Variants in CFAP20DC observed in about 807,000 individuals in gnomAD.
CFAP20DC encodes protein CFAP20DC.
In CFAP20DC, 84 loss-of-function variants were observed where a neutral mutation model predicts 101.7. The observed-to-expected ratio is 0.83, with a 90% CI of 0.69 to 0.99. The LOEUF is 0.99. Among genes scored for constraint, CFAP20DC ranks in the 50% least tolerant of loss-of-function variants. The pLI is 0.00. For synonymous variants in CFAP20DC, 359 were observed against 351.2 expected, an observed-to-expected ratio of 1.02 and a Z score of -0.25; for missense variants, 1,007 against 970.3, an observed-to-expected ratio of 1.04 and a Z score of -0.50.
chr3:58,963,173 TCTC>T (rs988617561), intron 4 of CFAP20DC, among the ~76,000 whole-genome samples: 1 of 147,598 alleles, frequency 6.8e-6, no homozygotes, highest in Non-Finnish European at 1.5e-5. Context: ...TCATACTTCT[TCTC>T]AAGGTTCAGT....
chr3:58,966,192 C>G (rs1197259359), intron 4 of CFAP20DC, among the ~76,000 whole-genome samples: 1 of 152,174 alleles, frequency 6.6e-6, no homozygotes, highest in African/African-American at 2.4e-5. Flanking sequence ...TCCCTTACAG[C>G]TTTCTCCATG....
chr3:59,034,585 A>G (rs529271272), intron 4 of CFAP20DC, among the ~76,000 whole-genome samples: 81 of 152,344 alleles, frequency 5.3e-4, no homozygotes, highest in African/African-American at 1.9e-3. Context: ...TCAAAGATCA[A>G]AAAAGACAAA....
At chr3:58,862,924 A>G in intron 12 of CFAP20DC, 1 of 971,702 alleles carries the variant, frequency 1.0e-6, no homozygotes, top group Non-Finnish European at 1.2e-6. Flanking sequence ...TCCAAATTAT[A>G]TTCAGTTTGA....
chr3:58,907,191 T>A (rs2083687240), intron 6 of CFAP20DC, among the ~76,000 whole-genome samples: 1 of 152,148 alleles, frequency 6.6e-6, no homozygotes, highest in African/African-American at 2.4e-5. Context: ...TTTTCTTGTT[T>A]GTGTGTTTTA....
chr3:58,978,111 C>T (rs1187173398), intron 4 of CFAP20DC, among the ~76,000 whole-genome samples: 3 of 152,004 alleles, frequency 2.0e-5, no homozygotes, highest in Non-Finnish European at 4.4e-5. Context: ...CTGGGTGGAG[C>T]AAAAAGAGAG....
rs1395203063 is a variant in CFAP20DC at position 58,810,785 on chromosome 3, G to A, written c.2176-4329C>T. Among the ~76,000 whole-genome samples the A allele has an allele frequency of 4.4e-4, 66 of 151,656 alleles. 2 individuals are homozygous for A. The highest frequency in any genetic ancestry group is 1.6e-3 in the African/African-American group (65 of 41,114). On this transcript the variant is annotated intron_variant, in intron 14 of 16. Coordinates refer to ENST00000482387, the MANE Select transcript of CFAP20DC (RefSeq NM_001394063.1). ...AATTGTCCCTGTTTGCAGATGACAT[G>A]ATTGTATATCTAGAAAACCCCATTG...
intron 5 of CFAP20DC, among the ~76,000 whole-genome samples, chr3:58,918,438 G>A (rs1389221196): frequency 1.3e-5 from 2 of 152,028 alleles, no homozygotes; most frequent in Non-Finnish European, 1.5e-5. Context: ...CTGGAACCAG[G>A]TTCATCTCAT....
chr3:58,887,315 T>C (rs1301892261), intron 6 of CFAP20DC: 1 of 152,202 alleles, frequency 6.6e-6, no homozygotes, highest in African/African-American at 2.4e-5. Context: ...AAAACTCCTT[T>C]GAGATAGAAG....
downstream of CFAP20DC, among the ~76,000 whole-genome samples, chr3:58,741,419 A>G (rs565470091): frequency 6.6e-6 from 1 of 152,086 alleles, no homozygotes; most frequent in South Asian, 2.1e-4. Flanking sequence ...TGTGTGTGGC[A>G]GTGGGGGGAT....
chr3:58,876,279 A>G (rs1176186472), intron 7 of CFAP20DC, among the ~76,000 whole-genome samples: 1 of 152,120 alleles, frequency 6.6e-6, no homozygotes, highest in Non-Finnish European at 1.5e-5. Flanking sequence ...GTATTGTGCT[A>G]TGCATCTACC....
intron 15 of CFAP20DC, among the ~76,000 whole-genome samples, chr3:58,794,720 G>C (rs116608423): frequency 1.4e-3 from 217 of 152,312 alleles, no homozygotes; most frequent in African/African-American, 5.1e-3. Context: ...AGGCTCAGTA[G>C]ATGCTCCAAC....
At chr3:58,767,009 A>G (rs1033630071) in intron 15 of CFAP20DC, among the ~76,000 whole-genome samples, 2 of 152,176 alleles carry the variant, frequency 1.3e-5, no homozygotes, top group Non-Finnish European at 2.9e-5. Context: ...TCAGCTCATA[A>G]TTACAACCTC....
At position 59,002,742 on chromosome 3, in the gene CFAP20DC, G is replaced by C. The variant is rs1270433805; in HGVS notation, c.278+36815C>G. Reference sequence around the variant, plus strand: ...TCTTCAACTTTCTTCCTCACTCAAAGAGATGTTATTTTAAGTAAATATAAA... The same window carrying C: ...TCTTCAACTTTCTTCCTCACTCAAACAGATGTTATTTTAAGTAAATATAAA... On this transcript the variant is annotated intron_variant, in intron 4 of 16. Coordinates refer to ENST00000482387, the MANE Select transcript of CFAP20DC (RefSeq NM_001394063.1). The surrounding 1 kb of genome is among the most constrained non-coding windows in gnomAD (Gnocchi z 4.5). Among the ~76,000 whole-genome samples, 1 of 152,122 alleles carries C rather than the reference G, an allele frequency of 6.6e-6. No homozygotes were observed. The highest frequency in any genetic ancestry group is 1.5e-5 in the Non-Finnish European group (1 of 68,032).
At chr3:58,740,419 T>C (rs1162789164), downstream of CFAP20DC, among the ~76,000 whole-genome samples, 2 of 152,172 alleles carry the variant, frequency 1.3e-5, no homozygotes, top group African/African-American at 4.8e-5. This position sits in a 1 kb window ranked among gnomAD's most constrained non-coding sequence, Gnocchi z 4.6. Context: ...AAAAAAGTGG[T>C]GCTGTCAATT....
intron 5 of CFAP20DC, among the ~76,000 whole-genome samples, chr3:58,935,967 A>T (rs1576382916): frequency 1.3e-5 from 2 of 151,902 alleles, no homozygotes; most frequent in Non-Finnish European, 2.9e-5. Flanking sequence ...AAAAGAAACT[A>T]CCATCAGAGT....
In CFAP20DC at chr3:58,788,537, A is replaced by G. The variant is rs2072580487; in HGVS notation, c.2237+17858T>C. ...AAGACGTGGCTGGTCACAAAATGGG[A>G]TGCTAACATATTCCCGTGCTGCATG... is the stretch of plus-strand genomic sequence containing the variant. On this transcript the variant is annotated intron_variant, in intron 15 of 16. Transcript: ENST00000482387. This position sits in a 1 kb window ranked among gnomAD's most constrained non-coding sequence, Gnocchi z 4.2. Among the ~76,000 whole-genome samples, 1 of 152,144 alleles carries G rather than the reference A, an allele frequency of 6.6e-6. No individual in the cohort carries two copies. The highest frequency in any genetic ancestry group is 1.5e-5 in the Non-Finnish European group (1 of 68,024).
chr3:59,048,097 A>C (rs1029102358), intron 1 of CFAP20DC, among the ~76,000 whole-genome samples: 4 of 152,234 alleles, frequency 2.6e-5, no homozygotes, highest in Non-Finnish European at 5.9e-5. Context: ...CACACTGAAG[A>C]TATTACTGAA....
intron 5 of CFAP20DC, among the ~76,000 whole-genome samples, chr3:58,926,665 G>A (rs1469927756): frequency 2.0e-5 from 3 of 152,108 alleles, no homozygotes; most frequent in East Asian, 3.9e-4. Context: ...TGATCCATGA[G>A]GGGAAGTTTT....
In CFAP20DC at chr3:58,863,362, C is replaced by A; in HGVS notation, c.1593+196G>T. On this transcript the variant is annotated intron_variant, in intron 12 of 16. Coordinates refer to ENST00000482387, the MANE Select transcript of CFAP20DC (RefSeq NM_001394063.1). This position sits in a 1 kb window ranked among gnomAD's most constrained non-coding sequence, Gnocchi z 5.9. ...TATAAGTAAAAGTGAAATTGGCTGA[C>A]TGTTAATTAAAAAAAAAAAAAGACA... 1 of 1,403,538 alleles carries A rather than the reference C, an allele frequency of 7.1e-7. No homozygotes were observed. Among genetic ancestry groups the A allele is most frequent in the Non-Finnish European group, 9.2e-7 (1 of 1,085,022 alleles). 86.9% of individuals were successfully genotyped at this position (1,403,538 alleles called of 1,614,324 possible).
Sources: gnomAD v4.1 joint callset for allele counts (sites outside exome capture counted in the v4.1 genomes callset) on GRCh38, gnomAD v4.1.1 for gene constraint, Gnocchi (gnomAD v3.1) non-coding constraint, MANE v1.5 for transcripts, NCBI Gene and HGNC (gene_info 2026-07-23, HGNC 2026-07-21) for gene names.